LRRC4C: variants seen among roughly 807,000 people sequenced by gnomAD.
LRRC4C encodes the protein leucine rich repeat containing 4C.
In LRRC4C, 5 loss-of-function variants were observed where a neutral mutation model predicts 33.6. That is an observed-to-expected ratio of 0.15 (90% CI 0.08 to 0.31). LRRC4C has a LOEUF of 0.31. Among genes scored for constraint, LRRC4C ranks in the 10% least tolerant of loss-of-function variants. The pLI is 1.00. For missense variants in LRRC4C, 560 were observed against 796.7 expected, an observed-to-expected ratio of 0.70 and a Z score of 3.58; for synonymous variants, 329 against 302.0, an observed-to-expected ratio of 1.09 and a Z score of -0.93.
intron 3 of LRRC4C, among the ~76,000 whole-genome samples, chr11:40,509,913 C>CA (rs1168795239): frequency 6.6e-6 from 1 of 152,066 alleles, no homozygotes; most frequent in Non-Finnish European, 1.5e-5. Context: ...AAATGATTCA[C>CA]AAAGCTCTTG....
At chr11:40,739,306 A>G (rs560497055) in intron 2 of LRRC4C, among the ~76,000 whole-genome samples, 1 of 151,978 alleles carries the variant, frequency 6.6e-6, no homozygotes, top group African/African-American at 2.4e-5. Flanking sequence ...AAGTATATAT[A>G]GTATTTGTTT....
At chr11:41,303,303 G>T (rs1414773126) in intron 1 of LRRC4C, among the ~76,000 whole-genome samples, 2 of 134,558 alleles carry the variant, frequency 1.5e-5, no homozygotes, top group South Asian at 5.5e-4. Context: ...TGGCCGGGCC[G>T]GTCTCCAGCC....
rs141502229 is a variant in LRRC4C, at chr11:40,888,296, A to T, written c.-407+45339T>A. On this transcript the variant is annotated intron_variant, in intron 2 of 6. Transcript: ENST00000528697. ...TTATAATAAAATGTATATTTTAGGT[A>T]AAGTTGTATGGGCTTTCTTATTTTT... 5.3e-4 allele frequency among the ~76,000 whole-genome samples: 80 copies of T among 152,044 alleles called. 3 individuals are homozygous for T. In the South Asian group the frequency reaches 6.2e-3, roughly 12 times the overall value.
chr11:41,336,508 C>A (rs1194138555), intron 1 of LRRC4C, among the ~76,000 whole-genome samples: 1 of 152,000 alleles, frequency 6.6e-6, no homozygotes, highest in Non-Finnish European at 1.5e-5. Flanking sequence ...AAGAAGCAAA[C>A]TAGTTTTACC....
intron 1 of LRRC4C, among the ~76,000 whole-genome samples, chr11:40,991,346 G>A (rs974938981): frequency 1.3e-5 from 2 of 151,566 alleles, no homozygotes; most frequent in African/African-American, 2.4e-5. Context: ...AATATATGAT[G>A]TTATAAAATC....
At chr11:40,626,027 AAAGTAAT>A (rs1962895529) in intron 3 of LRRC4C, among the ~76,000 whole-genome samples, 1 of 152,138 alleles carries the variant, frequency 6.6e-6, no homozygotes, top group Non-Finnish European at 1.5e-5. Context: ...ACTCAGAATA[AAAGTAAT>A]AAGTCCTTTT....
At chr11:40,175,705 C>T (rs1170291647) in intron 5 of LRRC4C, among the ~76,000 whole-genome samples, 1 of 152,188 alleles carries the variant, frequency 6.6e-6, no homozygotes, top group African/African-American at 2.4e-5. Context: ...GCACCACAGC[C>T]TCCCTTAAAG....
At chr11:41,334,473 T>C (rs745966822) in intron 1 of LRRC4C, among the ~76,000 whole-genome samples, 59 of 152,116 alleles carry the variant, frequency 3.9e-4, no homozygotes, top group Non-Finnish European at 5.0e-4. Context: ...AGTACTTGAT[T>C]TTCTAGCACC....
chr11:40,931,053 T>C (rs1336581240), intron 2 of LRRC4C, among the ~76,000 whole-genome samples: 1 of 152,156 alleles, frequency 6.6e-6, no homozygotes, highest in Non-Finnish European at 1.5e-5. Flanking sequence ...CAGCTGTAGG[T>C]AATTACAAGA....
At chr11:41,226,103 A>G (rs7948682) in intron 1 of LRRC4C, among the ~76,000 whole-genome samples, 13,420 of 152,142 alleles carry the variant, frequency 0.088, 1,294 homozygotes, top group African/African-American at 0.24. Flanking sequence ...CTATTTTTGG[A>G]AAGCTGATTT....
intron 1 of LRRC4C, among the ~76,000 whole-genome samples, chr11:41,022,668 A>G (rs574497711): frequency 6.6e-6 from 1 of 152,046 alleles, no homozygotes; most frequent in Non-Finnish European, 1.5e-5. Flanking sequence ...GTCAATGGTC[A>G]TACTGGTCTA....
Position 40,532,970 on chromosome 11 carries a change from A to G in LRRC4C, c.-270+115172T>C, listed in dbSNP as rs868705151. Among the ~76,000 whole-genome samples, 12 of 152,224 alleles carry G rather than the reference A, an allele frequency of 7.9e-5. No homozygotes were observed. In the South Asian group the frequency reaches 2.1e-3, roughly 26 times the overall value. Reference sequence around the variant, plus strand: ...GCAGGAGGAACTACCAAACACTTATAAAACCATCAGATCTTGTGGGAACTC... The same window carrying G: ...GCAGGAGGAACTACCAAACACTTATGAAACCATCAGATCTTGTGGGAACTC... On this transcript the variant is annotated intron_variant, in intron 3 of 6. Transcript: ENST00000528697.
rs530300815 is a variant in LRRC4C at position 40,115,166 on chromosome 11, C to T, written c.1127G>A (p.Arg376Gln). The change falls in exon 7 of 7, where the codon CGG (arginine) becomes CAG (glutamine). Residue 376 changes from arginine to glutamine, a missense_variant. Physicochemically the swap from Arg to Gln is conservative, Grantham distance 43 (BLOSUM62 1). Around this residue, in one of 3 missense-constraint regions of LRRC4C, gnomAD observed 455 missense variants for 643.8 expected, o/e 0.71. Coordinates refer to ENST00000528697, the MANE Select transcript of LRRC4C (RefSeq NM_001258419.2). This position sits in a 1 kb window ranked among gnomAD's most constrained non-coding sequence, Gnocchi z 6.7. ...TACAGATGTCAGGGATGTGGAGGCC[C>T]GACATTTCAGCTCAGCTGCCATGCC... Reference protein sequence around the residue: ...TEGMAAELKCRASTSLTSVSW... With the variant: ...TEGMAAELKCQASTSLTSVSW... 42 of 1,614,136 alleles carry T rather than the reference C, an allele frequency of 2.6e-5. No individual in the cohort carries two copies. The highest frequency in any genetic ancestry group is 1.2e-4 in the South Asian group (11 of 91,078).
At chr11:41,318,016 T>C (rs557326331) in intron 1 of LRRC4C, among the ~76,000 whole-genome samples, 4 of 152,058 alleles carry the variant, frequency 2.6e-5, no homozygotes, top group Non-Finnish European at 4.4e-5. Flanking sequence ...AAGTAGAACA[T>C]GCATTCAACA....
intron 1 of LRRC4C, among the ~76,000 whole-genome samples, chr11:41,417,856 C>A (rs1478369864): frequency 6.6e-6 from 1 of 151,428 alleles, no homozygotes. Context: ...TTTTTCTATT[C>A]ATTGCTGTTG....
chr11:40,301,670 G>T (rs886125329), intron 4 of LRRC4C, among the ~76,000 whole-genome samples: 1 of 152,040 alleles, frequency 6.6e-6, no homozygotes, highest in Non-Finnish European at 1.5e-5. Flanking sequence ...TGATAGCCTT[G>T]TTTTCCCCAC....
At chr11:41,065,434 A>G (rs540234343) in intron 1 of LRRC4C, among the ~76,000 whole-genome samples, 2 of 152,260 alleles carry the variant, frequency 1.3e-5, no homozygotes, top group South Asian at 2.1e-4. Context: ...ACTCCCTGGG[A>G]CAGAGAACCT....
At chr11:41,416,011 C>G (rs1016308777) in intron 1 of LRRC4C, among the ~76,000 whole-genome samples, 5 of 151,674 alleles carry the variant, frequency 3.3e-5, no homozygotes, top group African/African-American at 9.7e-5. Flanking sequence ...TTGCTTGATA[C>G]TGGGTGGCTG....
intron 4 of LRRC4C, among the ~76,000 whole-genome samples, chr11:40,289,176 T>G (rs967454991): frequency 6.6e-6 from 1 of 152,184 alleles, no homozygotes; most frequent in African/African-American, 2.4e-5. Context: ...CTATTTTACA[T>G]GTATTGGTGC....
Sources: allele counts gnomAD v4.1 joint callset (sites outside exome capture counted in the v4.1 genomes callset), GRCh38; gene constraint gnomAD v4.1.1; regional missense constraint gnomAD v4.1.1; non-coding constraint Gnocchi (gnomAD v3.1); transcripts MANE v1.5; gene names NCBI Gene and HGNC (gene_info 2026-07-23, HGNC 2026-07-21).